Variants in GOLM2 observed in about 807,000 individuals in gnomAD.
GOLM2 encodes the protein golgi membrane protein 2, also known as protein GOLM2.
A neutral mutation model predicts 55.9 loss-of-function variants in GOLM2; 26 were observed. That is an observed-to-expected ratio of 0.47 (90% confidence interval 0.34 to 0.65). The LOEUF (loss-of-function observed/expected upper bound fraction) is 0.65, where lower values mean the gene tolerates loss of function less well. Ranked by LOEUF, GOLM2 falls within the 30% of genes least tolerant of loss-of-function variation. The pLI is 0.01. For missense variants in GOLM2, 486 were observed against 531.8 expected, an observed-to-expected ratio of 0.91 and a Z score of 0.85; for synonymous variants, 165 against 194.6, an observed-to-expected ratio of 0.85 and a Z score of 1.27.
intron 1 of GOLM2, among the ~76,000 whole-genome samples, chr15:44,293,365 T>G (rs2078734598): frequency 6.6e-6 from 1 of 152,218 alleles, no homozygotes; most frequent in South Asian, 2.1e-4. Flanking sequence ...ATTGATATCT[T>G]ATTATGAAAG....
intron 3 of GOLM2, among the ~76,000 whole-genome samples, chr15:44,329,747 T>A (rs1035055016): frequency 2.6e-5 from 4 of 151,962 alleles, no homozygotes; most frequent in Non-Finnish European, 4.4e-5. Flanking sequence ...AAAAAATTTT[T>A]AAAAATTAGC....
Position 44,322,977 on chromosome 15 carries a change from A to G in GOLM2, c.340A>G (p.Asn114Asp). The G allele has an allele frequency of 6.3e-7, 1 of 1,577,930 alleles. No individual in the cohort carries two copies. The highest frequency in any genetic ancestry group is 1.2e-5 in the South Asian group (1 of 82,590). Residue 114 changes from asparagine (N) to aspartate (D), a missense_variant, in exon 2 of 10, where the codon AAC (asparagine) becomes GAC (aspartate). Coordinates refer to ENST00000299957, the MANE Select transcript of GOLM2 (RefSeq NM_138423.4). ...AATTTTTTTTCAGGTTAAACTACAGAACAACATATCGTATCAGATGGCAGA... is the reference window on the plus strand; with the variant it reads ...AATTTTTTTTCAGGTTAAACTACAGGACAACATATCGTATCAGATGGCAGA... ...RCEDDKVKLQ[N>D]NISYQMADIH...
chr15:44,299,575 T>G (rs1478625675), intron 1 of GOLM2, among the ~76,000 whole-genome samples: 1 of 152,044 alleles, frequency 6.6e-6, no homozygotes, highest in Non-Finnish European at 1.5e-5. Flanking sequence ...TAACTACTCT[T>G]ATATAATATA....
intron 1 of GOLM2, among the ~76,000 whole-genome samples, chr15:44,315,483 C>A (rs1391237453): frequency 6.6e-6 from 1 of 151,954 alleles, no homozygotes; most frequent in Non-Finnish European, 1.5e-5. Flanking sequence ...GATGGGGAAA[C>A]ATGAAAAGAA....
intron 4 of GOLM2, among the ~76,000 whole-genome samples, chr15:44,333,671 C>T (rs2079037781): frequency 6.6e-6 from 1 of 151,718 alleles, no homozygotes; most frequent in South Asian, 2.1e-4. Context: ...GCAATTGTGT[C>T]ATTATAAGCG....
intron 9 of GOLM2, among the ~76,000 whole-genome samples, chr15:44,412,994 G>A (rs1595673296): frequency 6.7e-6 from 1 of 149,130 alleles, no homozygotes; most frequent in Admixed American, 6.7e-5. Flanking sequence ...CGGAGTGAGA[G>A]TCGGTCTCAA....
At chr15:44,296,883 A>G (rs775402677) in intron 1 of GOLM2, among the ~76,000 whole-genome samples, 24 of 152,116 alleles carry the variant, frequency 1.6e-4, no homozygotes, top group Admixed American at 3.9e-4. Context: ...TCAACCTTCT[A>G]CAGTTCTAAT....
rs557665277 is a variant in GOLM2, at chr15:44,321,307, A to AC, written c.328-1657dup. On this transcript the variant is annotated intron_variant, in intron 1 of 9. Transcript: ENST00000299957. ...GACAACATAGCAAGACCTCATCTCT[A>AC]CTAAAAATAAAAAAATTAACCTGGC... Among the ~76,000 whole-genome samples, 34 of 151,952 alleles carry AC rather than the reference A, an allele frequency of 2.2e-4. No homozygotes were observed. In the South Asian group the frequency reaches 7.1e-3, roughly 32 times the overall value.
rs1032324813 is a variant in GOLM2, at chr15:44,328,802, G to T, written c.485+15G>T. 2 of 1,492,212 alleles carry T rather than the reference G, an allele frequency of 1.3e-6. No individual in the cohort carries two copies. The highest frequency in any genetic ancestry group is 1.9e-5 in the Admixed American group (1 of 51,910). The allele number at this position is 1,492,212 out of a possible 1,614,324, so 92.4% of individuals were successfully genotyped here. On this transcript the variant is annotated intron_variant, in intron 3 of 9. Coordinates refer to ENST00000299957, the MANE Select transcript of GOLM2 (RefSeq NM_138423.4). Reference sequence around the variant, plus strand: ...GAATATGAAAGGTAAGATGTTACATGCAACATATGTTTATGAATCTAAAAT... The same window carrying T: ...GAATATGAAAGGTAAGATGTTACATTCAACATATGTTTATGAATCTAAAAT...
chr15:44,370,850 G>A (rs1163274365), intron 6 of GOLM2, among the ~76,000 whole-genome samples: 2 of 151,862 alleles, frequency 1.3e-5, no homozygotes, highest in Admixed American at 1.3e-4. Flanking sequence ...TAGTAGACAC[G>A]AAGTCTCACT....
chr15:44,341,527 A>T (rs1369738259), intron 6 of GOLM2, among the ~76,000 whole-genome samples: 1 of 152,106 alleles, frequency 6.6e-6, no homozygotes, highest in African/African-American at 2.4e-5. Flanking sequence ...AATACAAGAG[A>T]TCTTAGAGAT....
chr15:44,306,726 AGT>A (rs2078839939), intron 1 of GOLM2, among the ~76,000 whole-genome samples: 2 of 152,176 alleles, frequency 1.3e-5, no homozygotes, highest in Non-Finnish European at 2.9e-5. Flanking sequence ...AGGTCATTGT[AGT>A]ATCGTTTTGT....
At chr15:44,397,179 C>T (rs2079531948) in intron 8 of GOLM2, among the ~76,000 whole-genome samples, 1 of 151,878 alleles carries the variant, frequency 6.6e-6, no homozygotes, top group Non-Finnish European at 1.5e-5. Flanking sequence ...CTATTTAATT[C>T]CTGTTAATAC....
chr15:44,314,242 A>AAAAAAAAG (rs1316169821), intron 1 of GOLM2, among the ~76,000 whole-genome samples: 1 of 151,574 alleles, frequency 6.6e-6, no homozygotes, highest in Non-Finnish European at 1.5e-5. Context: ...GTCTCAAAAA[A>AAAAAAAAG]AAAAAAAGAA....
At chr15:44,321,963 A>T (rs1264164156) in intron 1 of GOLM2, among the ~76,000 whole-genome samples, 1 of 152,138 alleles carries the variant, frequency 6.6e-6, no homozygotes, top group Non-Finnish European at 1.5e-5. Flanking sequence ...AGAGCCTGAG[A>T]TAGGAGGATA....
At chr15:44,386,038 T>G (rs1368184080) in intron 8 of GOLM2, among the ~76,000 whole-genome samples, 4 of 152,212 alleles carry the variant, frequency 2.6e-5, no homozygotes, top group African/African-American at 9.7e-5. Context: ...TTTTTAATTT[T>G]GATGAGGTCC....
intron 4 of GOLM2, among the ~76,000 whole-genome samples, chr15:44,333,326 G>C (rs1340318884): frequency 1.3e-5 from 2 of 151,932 alleles, no homozygotes; most frequent in African/African-American, 2.4e-5. Context: ...ATAGTGAAAA[G>C]TATTTGTTTT....
chr15:44,361,710 T>A (rs900409910), intron 6 of GOLM2, among the ~76,000 whole-genome samples: 2 of 152,112 alleles, frequency 1.3e-5, no homozygotes, highest in African/African-American at 4.8e-5. Flanking sequence ...GCCAGCATCA[T>A]CCTGATACCA....
Position 44,386,511 on chromosome 15 carries a change from A to G in GOLM2, c.1072+5535A>G, listed in dbSNP as rs74725925. 6.3e-3 allele frequency among the ~76,000 whole-genome samples: 960 copies of G among 152,266 alleles called. 10 individuals carry two copies. Among genetic ancestry groups the G allele is most frequent in the African/African-American group, 0.021 (886 of 41,570 alleles). The stretch of plus-strand genomic sequence containing the variant: ...ATCTTTAAGATTATTTTAGCTCTTC[A>G]TGATCCCTTGTAATTTTATTGTAGG... On this transcript the variant is annotated intron_variant, in intron 8 of 9. Transcript: ENST00000299957.
Sources: gnomAD v4.1 joint callset for allele counts (sites outside exome capture counted in the v4.1 genomes callset) on GRCh38, gnomAD v4.1.1 for gene constraint, MANE v1.5 for transcripts, NCBI Gene and HGNC (gene_info 2026-07-23, HGNC 2026-07-21) for gene names.